The following EP300 variants were observed in gnomAD, a reference collection of about 807,000 sequenced individuals.
EP300 encodes EP300 lysine acetyltransferase.
EP300 carries 31 observed loss-of-function variants against 264.0 expected under a neutral mutation model. The observed-to-expected ratio is 0.12, with a 90% CI of 0.09 to 0.16. The LOEUF is 0.16. EP300 is among the 10% of genes least tolerant of loss of function. EP300 has a pLI of 1.00. For missense variants in EP300, 2,766 were observed against 3,052.9 expected, an observed-to-expected ratio of 0.91 and a Z score of 2.21; for synonymous variants, 1,340 against 1,045.4, an observed-to-expected ratio of 1.28 and a Z score of -5.44.
At chr22:41,108,980 A>G (rs1219717211) in intron 1 of EP300, among the ~76,000 whole-genome samples, 1 of 152,214 alleles carries the variant, frequency 6.6e-6, no homozygotes, top group East Asian at 1.9e-4. Flanking sequence ...TCTAGAAAAA[A>G]TACTTGCTGG....
intron 10 of EP300, among the ~76,000 whole-genome samples, chr22:41,145,881 C>T (rs1321729324): frequency 1.3e-5 from 2 of 152,036 alleles, no homozygotes; most frequent in East Asian, 1.9e-4. Flanking sequence ...GTGATCCGCC[C>T]GCCTCGGCCT....
chr22:41,142,177 C>G (rs1277794681), intron 10 of EP300, among the ~76,000 whole-genome samples: 1 of 152,138 alleles, frequency 6.6e-6, no homozygotes, highest in Non-Finnish European at 1.5e-5. Context: ...GTGCTGTGAG[C>G]AAGGCTGTGA....
chr22:41,129,236 C>A (rs1306495119), intron 4 of EP300, among the ~76,000 whole-genome samples: 5 of 152,066 alleles, frequency 3.3e-5, no homozygotes. Context: ...TGGTCTCTAT[C>A]TCCTGACCTC....
At chr22:41,126,729 CTTTTTTTTTTTT>C (rs71328775) in intron 3 of EP300, among the ~76,000 whole-genome samples, 73 of 48,830 alleles carry the variant, frequency 1.5e-3, no homozygotes, top group African/African-American at 4.1e-3. Flanking sequence ...GAAATGTTCA[CTTTTTTTTTTTT>C]TTTTTTTTTT....
rs988004219 is a variant in EP300, at chr22:41,179,168, C to T, written c.*212C>T. On this transcript the variant is annotated 3_prime_UTR_variant, in exon 31 of 31. Coordinates refer to ENST00000263253, the MANE Select transcript of EP300 (RefSeq NM_001429.4). ...TACAAAGAATATATTTTTGTTATGGCTGGTTACCACCAGCCTTTCTTCCCC... is the reference window on the plus strand; with the variant it reads ...TACAAAGAATATATTTTTGTTATGGTTGGTTACCACCAGCCTTTCTTCCCC... 4 of 606,438 alleles carry T rather than the reference C, an allele frequency of 6.6e-6. No individual in the cohort carries two copies. In the African/African-American group the frequency reaches 7.4e-5, roughly 11 times the overall value. 37.6% of individuals were successfully genotyped at this position (606,438 alleles called of 1,614,324 possible). A position where few individuals can be genotyped will look rare whatever the true frequency, so the allele number is the denominator to read the frequency against.
At chr22:41,143,866 A>G (rs1265175086) in intron 10 of EP300, among the ~76,000 whole-genome samples, 1 of 152,226 alleles carries the variant, frequency 6.6e-6, no homozygotes, top group Non-Finnish European at 1.5e-5. Context: ...GGCTTGAGCC[A>G]TCACACCTGG....
chr22:41,132,665 A>G (rs1000349291), intron 6 of EP300, among the ~76,000 whole-genome samples: 10 of 152,124 alleles, frequency 6.6e-5, no homozygotes, highest in Admixed American at 6.5e-5. Context: ...TTGTGTTTTG[A>G]CTTGAGGCAT....
In EP300 at chr22:41,092,886, C is replaced by T. The variant is rs868699895; in HGVS notation, c.-119C>T. 5 of 1,081,668 alleles carry T rather than the reference C, an allele frequency of 4.6e-6. No homozygotes were observed. The Middle Eastern group carries it at 7.8e-4, about 169-fold the overall frequency. The allele number at this position is 1,081,668 out of a possible 1,614,324, so 67.0% of individuals were successfully genotyped here. ...GAGAAAAAGGAACTTCCCCCACCCC[C>T]TCGGGTGCCGTCGGAGCCCCCCAGC... is the stretch of plus-strand genomic sequence containing the variant. On this transcript the variant is annotated 5_prime_UTR_variant, in exon 1 of 31. Coordinates refer to ENST00000263253, the MANE Select transcript of EP300 (RefSeq NM_001429.4).
chr22:41,139,863 C>T (rs1003002841), intron 8 of EP300, among the ~76,000 whole-genome samples: 3 of 152,190 alleles, frequency 2.0e-5, no homozygotes, highest in Non-Finnish European at 2.9e-5. Context: ...GTTTTCCTCA[C>T]TGTCTTTAGT....
chr22:41,101,205 G>T (rs969627529), intron 1 of EP300, among the ~76,000 whole-genome samples: 13 of 151,984 alleles, frequency 8.6e-5, no homozygotes, highest in Non-Finnish European at 1.8e-4. Context: ...CTCCCAAGTA[G>T]CTGGGATTAC....
At chr22:41,121,393 AAAG>A (rs1348287219) in intron 2 of EP300, among the ~76,000 whole-genome samples, 1 of 152,200 alleles carries the variant, frequency 6.6e-6, no homozygotes, top group African/African-American at 2.4e-5. Context: ...TGTGGGGAGT[AAAG>A]AAGCAGGGCT....
chr22:41,099,197 A>G lies in EP300; in HGVS notation c.94+6099A>G, dbSNP rs1334930574. On this transcript the variant is annotated intron_variant, in intron 1 of 30. Coordinates refer to ENST00000263253, the MANE Select transcript of EP300 (RefSeq NM_001429.4). Reference sequence around the variant, plus strand: ...CTCCTGCTCAGCCTCCGGAGTAGCTAGGACTACAGCTGCGCAGCACCATGC... The same window carrying G: ...CTCCTGCTCAGCCTCCGGAGTAGCTGGGACTACAGCTGCGCAGCACCATGC... Among the ~76,000 whole-genome samples the G allele has an allele frequency of 2.6e-5, 4 of 152,116 alleles. No homozygotes were observed. The East Asian group carries it at 7.7e-4, about 29-fold the overall frequency.
chr22:41,100,291 A>G (rs538384566), intron 1 of EP300, among the ~76,000 whole-genome samples: 2 of 152,182 alleles, frequency 1.3e-5, no homozygotes, highest in Non-Finnish European at 2.9e-5. Context: ...ATATTTTTGT[A>G]CCACAGGTGT....
At chr22:41,119,227 T>C (rs2058839302) in intron 2 of EP300, among the ~76,000 whole-genome samples, 3 of 145,050 alleles carry the variant, frequency 2.1e-5, no homozygotes, top group East Asian at 2.0e-4. Flanking sequence ...ACTATGTTGC[T>C]CAGGCTAATC....
At position 41,168,264 on chromosome 22, in the gene EP300, C is replaced by T. The variant is rs2059151554; in HGVS notation, c.3875-185C>T. Reference sequence around the variant, plus strand: ...AAAATTAGAATGATATGAAGATTAGCATGTTCCCTGCACTCATATGACATG... The same window carrying T: ...AAAATTAGAATGATATGAAGATTAGTATGTTCCCTGCACTCATATGACATG... On this transcript the variant is annotated intron_variant, in intron 23 of 30. Coordinates refer to ENST00000263253, the MANE Select transcript of EP300 (RefSeq NM_001429.4). 4.8e-6 allele frequency: 3 copies of T among 628,400 alleles called. No homozygotes were observed. In the African/African-American group the frequency reaches 5.5e-5, roughly 12 times the overall value. 38.9% of individuals were successfully genotyped at this position (628,400 alleles called of 1,614,324 possible).
intron 1 of EP300, among the ~76,000 whole-genome samples, chr22:41,105,723 C>A (rs1396764626): frequency 6.6e-6 from 1 of 152,174 alleles, no homozygotes; most frequent in Admixed American, 6.5e-5. Context: ...GAATAAACTT[C>A]AAGTTAATCT....
intron 9 of EP300, 63 bp from the exon 10 acceptor site, chr22:41,140,983 TTC>T (rs1197279453): frequency 6.8e-7 from 1 of 1,468,072 alleles, no homozygotes; most frequent in Non-Finnish European, 9.4e-7. Flanking sequence ...AGTTTATTTT[TTC>T]TGTTACCTGG....
chr22:41,163,154 G>C lies in EP300; in HGVS notation c.3728+375G>C, dbSNP rs1387953627. ...CTGTCTTAAAAATTAGCCAGGTTTT[G>C]GCCGGGCACGGTGGCTCACGCCTGT... On this transcript the variant is annotated intron_variant, in intron 21 of 30. Transcript: ENST00000263253. Among the ~76,000 whole-genome samples, 6 of 152,312 alleles carry C rather than the reference G, an allele frequency of 3.9e-5. No individual in the cohort carries two copies. In the South Asian group the frequency reaches 1.0e-3, roughly 26 times the overall value.
chr22:41,107,403 AAT>A (rs1310264148), intron 1 of EP300, among the ~76,000 whole-genome samples: 12 of 140,490 alleles, frequency 8.5e-5, no homozygotes, highest in African/African-American at 3.1e-4. Context: ...TTACTCAAAT[AAT>A]ATGTGAGCCT....
Sources: allele counts gnomAD v4.1 joint callset (sites outside exome capture counted in the v4.1 genomes callset), GRCh38; gene constraint gnomAD v4.1.1; transcripts MANE v1.5; gene names NCBI Gene and HGNC (gene_info 2026-07-23, HGNC 2026-07-21).